The following NEGR1 variants were observed in gnomAD, a reference collection of about 807,000 sequenced individuals.
NEGR1 encodes the protein neuronal growth regulator 1.
In NEGR1, 10 loss-of-function variants were observed where a neutral mutation model predicts 40.9. The ratio of observed to expected loss-of-function variants is 0.24; its 90% CI spans 0.15 to 0.42. The LOEUF is 0.42. NEGR1 is among the 10% of genes least tolerant of loss of function. The pLI is 1.00. For synonymous variants in NEGR1, 185 were observed against 166.8 expected (o/e 1.11, Z -0.84); for missense variants, 352 against 438.9 (o/e 0.80, Z 1.77).
chr1:72,121,175 A>T (rs1463980719), intron 1 of NEGR1, among the ~76,000 whole-genome samples: 1 of 152,036 alleles, frequency 6.6e-6, no homozygotes, highest in East Asian at 1.9e-4. Flanking sequence ...ATGTGCAAAC[A>T]ACCCTTACCT....
At chr1:71,460,398 C>T (rs1288236552) in intron 6 of NEGR1, among the ~76,000 whole-genome samples, 1 of 152,154 alleles carries the variant, frequency 6.6e-6, no homozygotes, top group Non-Finnish European at 1.5e-5. Context: ...TTCTTACTCA[C>T]AGCTCTGCAA....
chr1:72,245,266 T>A (rs968185524), intron 1 of NEGR1, among the ~76,000 whole-genome samples: 1 of 152,208 alleles, frequency 6.6e-6, no homozygotes, highest in East Asian at 1.9e-4. Flanking sequence ...CCCAACAAAA[T>A]GTAATTGGTT....
chr1:72,025,244 T>C (rs1333821838), intron 1 of NEGR1, among the ~76,000 whole-genome samples: 1 of 152,098 alleles, frequency 6.6e-6, no homozygotes, highest in Non-Finnish European at 1.5e-5. Flanking sequence ...TCACAACATT[T>C]AAAAAATAAT....
chr1:71,962,716 A>G (rs1440195935), intron 1 of NEGR1, among the ~76,000 whole-genome samples: 1 of 152,054 alleles, frequency 6.6e-6, no homozygotes, highest in African/African-American at 2.4e-5. Context: ...TTCTCTCAAA[A>G]AATACACTGT....
intron 2 of NEGR1, among the ~76,000 whole-genome samples, chr1:71,815,393 G>A (rs1363849554): frequency 6.6e-6 from 1 of 152,076 alleles, no homozygotes; most frequent in Non-Finnish European, 1.5e-5. Flanking sequence ...TTGTTTTTGG[G>A]TGGAGAGTTC....
intron 2 of NEGR1, among the ~76,000 whole-genome samples, chr1:71,928,776 G>A (rs1183299209): frequency 6.6e-6 from 1 of 151,836 alleles, no homozygotes; most frequent in Non-Finnish European, 1.5e-5. Flanking sequence ...CTTCATTGTG[G>A]GGAAAATTTG....
chr1:71,505,148 CCATA>C (rs1228950888), intron 6 of NEGR1, among the ~76,000 whole-genome samples: 1 of 152,134 alleles, frequency 6.6e-6, no homozygotes, highest in Admixed American at 6.5e-5. Flanking sequence ...CTGCATGTCA[CCATA>C]CAAACCATAC....
intron 6 of NEGR1, chr1:71,422,692 A>G (rs959694766): frequency 6.6e-6 from 1 of 152,178 alleles, no homozygotes; most frequent in South Asian, 2.1e-4. Flanking sequence ...AAAACGTGGA[A>G]TATTATAGAA....
At chr1:72,227,550 T>C (rs1019489377) in intron 1 of NEGR1, among the ~76,000 whole-genome samples, 2 of 151,720 alleles carry the variant, frequency 1.3e-5, no homozygotes, top group African/African-American at 4.8e-5. Context: ...TTACCAGGAG[T>C]AAGAGAGTTT....
At chr1:72,087,751 C>CTTTTTTTT (rs1194408394) in intron 1 of NEGR1, among the ~76,000 whole-genome samples, 3 of 95,102 alleles carry the variant, frequency 3.2e-5, no homozygotes, top group Admixed American at 1.3e-4. Context: ...TGCCACTGTG[C>CTTTTTTTT]TTTTTTTTTT....
chr1:71,830,599 A>G (rs1658804338), intron 2 of NEGR1, among the ~76,000 whole-genome samples: 1 of 152,010 alleles, frequency 6.6e-6, no homozygotes, highest in South Asian at 2.1e-4. Flanking sequence ...CAGATATGTA[A>G]GTAAAGCAGT....
Position 72,078,645 on chromosome 1 carries a change from AT to A in NEGR1, c.177-143335del, listed in dbSNP as rs34230422. ...CATATATATATATATATATTTATTT[AT>A]TTTTTTTTTTGAGATGGAGTTTCAT... On this transcript the variant is annotated intron_variant, in intron 1 of 6. Transcript: ENST00000357731. 5.2e-3 allele frequency among the ~76,000 whole-genome samples: 747 copies of A among 143,970 alleles called. 3 individuals carry two copies. Among genetic ancestry groups the A allele is most frequent in the East Asian group, 0.024 (120 of 4,970 alleles). The allele number at this position is 143,970 out of a possible 152,430, so 94.4% of individuals were successfully genotyped here.
chr1:71,831,857 G>T (rs963541662), intron 2 of NEGR1, among the ~76,000 whole-genome samples: 2 of 151,916 alleles, frequency 1.3e-5, no homozygotes, highest in Non-Finnish European at 2.9e-5. Flanking sequence ...TTTAAGTGTG[G>T]TGTCTATGGA....
At chr1:71,478,756 G>A (rs1459675486) in intron 6 of NEGR1, among the ~76,000 whole-genome samples, 2 of 151,964 alleles carry the variant, frequency 1.3e-5, no homozygotes, top group East Asian at 3.9e-4. Flanking sequence ...GCCAGAATGG[G>A]AGGCCTGTAA....
chr1:71,594,275 C>T (rs112704594), intron 5 of NEGR1, among the ~76,000 whole-genome samples: 1,700 of 152,210 alleles, frequency 0.011, 27 homozygotes, highest in African/African-American at 0.039. Flanking sequence ...ACTGATAGTC[C>T]AAATGGCATA....
intron 1 of NEGR1, among the ~76,000 whole-genome samples, chr1:72,266,838 C>A (rs1343820893): frequency 2.0e-5 from 3 of 149,128 alleles, no homozygotes; most frequent in African/African-American, 4.9e-5. Context: ...TTATTAAAAC[C>A]CTTTTTTTTG....
chr1:72,259,857 T>C (rs1379176500), intron 1 of NEGR1, among the ~76,000 whole-genome samples: 1 of 152,128 alleles, frequency 6.6e-6, no homozygotes, highest in Non-Finnish European at 1.5e-5. Context: ...AGGTAGAGTT[T>C]ATCTTTTGTT....
At chr1:71,753,261 C>T (rs1655628587) in intron 3 of NEGR1, among the ~76,000 whole-genome samples, 1 of 152,074 alleles carries the variant, frequency 6.6e-6, no homozygotes, top group South Asian at 2.1e-4. Context: ...GAAAGAAGAG[C>T]TCAAATCATT....
chr1:72,205,345 ACT>A (rs1653354463), intron 1 of NEGR1, among the ~76,000 whole-genome samples: 1 of 151,440 alleles, frequency 6.6e-6, no homozygotes, highest in South Asian at 2.1e-4. Flanking sequence ...ACACAGCAAG[ACT>A]CTAAGAGTCA....
Sources: allele counts gnomAD v4.1 joint callset (sites outside exome capture counted in the v4.1 genomes callset), GRCh38; gene constraint gnomAD v4.1.1; transcripts MANE v1.5; gene names NCBI Gene and HGNC (gene_info 2026-07-23, HGNC 2026-07-21).